RIC1: variants seen among roughly 807,000 people sequenced by gnomAD.
RIC1 encodes the protein guanine nucleotide exchange factor subunit RIC1.
A neutral mutation model predicts 169.0 loss-of-function variants in RIC1; 88 were observed. The ratio of observed to expected loss-of-function variants is 0.52; its 90% CI spans 0.44 to 0.62. RIC1 has a LOEUF of 0.62. RIC1 is among the 20% of genes least tolerant of loss of function. The pLI is 0.00. For synonymous variants in RIC1, 790 were observed against 601.5 expected, an observed-to-expected ratio of 1.31 and a Z score of -4.59; for missense variants, 1,877 against 1,725.5, an observed-to-expected ratio of 1.09 and a Z score of -1.56.
At chr9:5,730,388 C>T (rs1269014860) in intron 6 of RIC1, among the ~76,000 whole-genome samples, 2 of 152,130 alleles carry the variant, frequency 1.3e-5, no homozygotes, top group African/African-American at 4.8e-5. Flanking sequence ...TGAACATGAA[C>T]AAATTAGGCT....
chr9:5,656,557 A>G, intron 1 of RIC1, 26 bp from the exon 2 acceptor site: 1 of 1,033,914 alleles, frequency 9.7e-7, no homozygotes, highest in Non-Finnish European at 1.4e-6. Context: ...AAAAAATACA[A>G]CTTTTTTTTT....
chr9:5,638,236 A>C (rs936655671), intron 1 of RIC1, among the ~76,000 whole-genome samples: 1 of 152,114 alleles, frequency 6.6e-6, no homozygotes, highest in African/African-American at 2.4e-5. Context: ...TATATTGTTG[A>C]ATCTCATTAG....
intron 3 of RIC1, among the ~76,000 whole-genome samples, chr9:5,709,704 T>C (rs1194926118): frequency 6.6e-6 from 1 of 152,206 alleles, no homozygotes; most frequent in Non-Finnish European, 1.5e-5. Context: ...CAAATTATAG[T>C]TGAATTCTAA....
intron 10 of RIC1, among the ~76,000 whole-genome samples, chr9:5,744,568 T>G (rs1214116042): frequency 6.6e-6 from 1 of 152,156 alleles, no homozygotes; most frequent in Non-Finnish European, 1.5e-5. Flanking sequence ...AATTCCCTTA[T>G]GTTTTATATA....
chr9:5,696,257 A>T (rs569850302), intron 3 of RIC1, among the ~76,000 whole-genome samples: 135 of 146,416 alleles, frequency 9.2e-4, no homozygotes, highest in African/African-American at 3.2e-3. Flanking sequence ...ATTGATAACA[A>T]TTTTTTTTTT....
intron 1 of RIC1, among the ~76,000 whole-genome samples, chr9:5,649,251 G>A (rs1251036710): frequency 6.6e-6 from 1 of 152,106 alleles, no homozygotes; most frequent in Non-Finnish European, 1.5e-5. Context: ...TAAATAAATG[G>A]TAATTACATA....
chr9:5,731,948 A>G (rs975109826), intron 6 of RIC1, among the ~76,000 whole-genome samples: 2 of 152,182 alleles, frequency 1.3e-5, no homozygotes, highest in African/African-American at 2.4e-5. Flanking sequence ...TTTTGCTTCT[A>G]AAGAATAAAC....
intron 2 of RIC1, among the ~76,000 whole-genome samples, chr9:5,659,254 T>C (rs976875284): frequency 6.6e-5 from 10 of 152,162 alleles, no homozygotes; most frequent in Non-Finnish European, 1.5e-4. Context: ...TTCATTGTTA[T>C]ATATGTCTGT....
chr9:5,679,566 A>G (rs887509253), intron 2 of RIC1, among the ~76,000 whole-genome samples: 10 of 152,090 alleles, frequency 6.6e-5, no homozygotes, highest in Non-Finnish European at 1.3e-4. Flanking sequence ...ATCCCTTGTA[A>G]GTTGGATTCC....
In RIC1 at chr9:5,770,228, C is replaced by T. The variant is rs1442552602; in HGVS notation, c.3566C>T (p.Ser1189Phe). The T allele has an allele frequency of 6.2e-7, 1 of 1,613,898 alleles. No homozygotes were observed. The highest frequency in any genetic ancestry group is 8.5e-7 in the Non-Finnish European group (1 of 1,179,876). ...PTHHEIDTAS[S>F]HGPQMQDAFL... ...CATCATGAGATAGACACAGCTTCATCCCATGGACCACAAATGCAAGATGCC... is the reference window on the plus strand; with the variant it reads ...CATCATGAGATAGACACAGCTTCATTCCATGGACCACAAATGCAAGATGCC... Residue 1189 changes from serine (S) to phenylalanine (F), a missense_variant, in exon 23 of 26, where the codon TCC (serine) becomes TTC (phenylalanine). By Grantham distance (155) the Ser-to-Phe change is radical. Transcript: ENST00000414202.
intron 1 of RIC1, among the ~76,000 whole-genome samples, chr9:5,645,313 A>G (rs1818451652): frequency 6.6e-6 from 1 of 152,204 alleles, no homozygotes; most frequent in South Asian, 2.1e-4. Flanking sequence ...TGTTGGAATT[A>G]CAAGTATTAG....
In RIC1 at chr9:5,750,396, T is replaced by A. The variant is rs565616593; in HGVS notation, c.1453-2804T>A. On this transcript the variant is annotated intron_variant, in intron 12 of 25. Transcript: ENST00000414202. Reference sequence around the variant, plus strand: ...TCACAAAATGTGGAAGATAAGCACCTACAGGGTATCAGGCACTATGTTAGG... The same window carrying A: ...TCACAAAATGTGGAAGATAAGCACCAACAGGGTATCAGGCACTATGTTAGG... 4.5e-4 allele frequency among the ~76,000 whole-genome samples: 68 copies of A among 152,030 alleles called. 4 individuals are homozygous for A. The highest frequency in any genetic ancestry group is 1.6e-3 in the African/African-American group (67 of 41,280).
At chr9:5,690,894 C>CA (rs1821555006) in intron 3 of RIC1, among the ~76,000 whole-genome samples, 1 of 151,712 alleles carries the variant, frequency 6.6e-6, no homozygotes, top group Admixed American at 6.6e-5. Context: ...CTGTAACTAA[C>CA]AAACTCAAGA....
chr9:5,696,507 G>A lies in RIC1; in HGVS notation c.332+6469G>A, dbSNP rs117789531. On this transcript the variant is annotated intron_variant, in intron 3 of 25. Coordinates refer to ENST00000414202, the MANE Select transcript of RIC1 (RefSeq NM_020829.4). ...TTCTGCCCTCAACTCTCCTATATCC[G>A]CCCCTGTACCCAATAAATAACTGAT... Among the ~76,000 whole-genome samples the A allele has an allele frequency of 2.7e-3, 410 of 151,514 alleles. 1 individual carries two copies. The highest frequency in any genetic ancestry group is 4.6e-3 in the Non-Finnish European group (310 of 67,900).
intron 3 of RIC1, among the ~76,000 whole-genome samples, chr9:5,694,657 A>G (rs1563906826): frequency 6.6e-6 from 1 of 152,204 alleles, no homozygotes; most frequent in African/African-American, 2.4e-5. Flanking sequence ...CTTATTGGCC[A>G]CACTTCCAAG....
chr9:5,776,492 T>C lies in RIC1; in HGVS notation c.*2246T>C, dbSNP rs1044803422. The C allele has an allele frequency of 6.6e-6, 1 of 152,084 alleles. No homozygotes were observed. The highest frequency in any genetic ancestry group is 1.5e-5 in the Non-Finnish European group (1 of 67,952). The allele number at this position is 152,084 out of a possible 1,614,324, so 9.4% of individuals were successfully genotyped here. A position where few individuals can be genotyped will look rare whatever the true frequency, so the allele number is the denominator to read the frequency against. ...AATCAACCTTTGCTTGTAATTAAAG[T>C]TGCTGCTATTTCTGTAATGTGTATT... On this transcript the variant is annotated 3_prime_UTR_variant, in exon 26 of 26. Transcript: ENST00000414202.
Position 5,774,000 on chromosome 9 carries a change from G to T in RIC1, c.4026G>T (p.Leu1342=). 3.1e-6 allele frequency: 5 copies of T among 1,612,896 alleles called. No homozygotes were observed. Among genetic ancestry groups the T allele is most frequent in the Non-Finnish European group, 4.2e-6 (5 of 1,179,548 alleles). ...TTTTAAACATCATTAAGCCACAACT[G>T]CAGAAGCTCAGTGAGATAACAGAAG... is the stretch of plus-strand genomic sequence containing the variant. ...KPFLNIIKPQ[L]QKLSEITEEQ... The change falls in exon 26 of 26, where the codon CTG becomes CTT. Residue 1342 remains leucine, a synonymous_variant. Coordinates refer to ENST00000414202, the MANE Select transcript of RIC1 (RefSeq NM_020829.4).
chr9:5,742,239 C>G (rs1476447188), intron 8 of RIC1, among the ~76,000 whole-genome samples: 1 of 152,134 alleles, frequency 6.6e-6, no homozygotes, highest in Non-Finnish European at 1.5e-5. Flanking sequence ...TGGGCAAGCT[C>G]TGAGCTTTAT....
intron 3 of RIC1, among the ~76,000 whole-genome samples, chr9:5,703,455 G>T (rs1056754264): frequency 6.6e-6 from 1 of 152,142 alleles, no homozygotes; most frequent in South Asian, 2.1e-4. Flanking sequence ...CAGAAACCAT[G>T]GATTCATTAA....
Sources: gnomAD v4.1 joint callset for allele counts (sites outside exome capture counted in the v4.1 genomes callset) on GRCh38, gnomAD v4.1.1 for gene constraint, MANE v1.5 for transcripts, NCBI Gene and HGNC (gene_info 2026-07-23, HGNC 2026-07-21) for gene names.